Variants in UBR1 observed in about 807,000 individuals in gnomAD.
UBR1 encodes E3 ubiquitin-protein ligase UBR1.
UBR1 carries 102 observed loss-of-function variants against 242.1 expected under a neutral mutation model. The ratio of observed to expected loss-of-function variants is 0.42; its 90% confidence interval spans 0.36 to 0.50. The LOEUF (loss-of-function observed/expected upper bound fraction) is 0.50, where lower values mean the gene tolerates loss of function less well. Among genes scored for constraint, UBR1 ranks in the 20% least tolerant of loss-of-function variants. The pLI is 0.01. For synonymous variants in UBR1, 675 were observed against 684.8 expected, an observed-to-expected ratio of 0.99 and a Z score of 0.22; for missense variants, 1,772 against 2,101.8, an observed-to-expected ratio of 0.84 and a Z score of 3.07.
rs2033036436 is a variant in UBR1 at position 43,017,125 on chromosome 15, T to C, written c.2997A>G (p.Thr999=). Residue 999 remains threonine, a synonymous_variant, in exon 28 of 47, where the codon ACA becomes ACG. Coordinates refer to ENST00000290650, the MANE Select transcript of UBR1 (RefSeq NM_174916.3). The part of the protein sequence containing the change: ...REKSCLIVAT[T]SGSESIKNDE... Reference sequence around the variant, plus strand: ...CATTCTTAATAGATTCCGATCCTGATGTGGTTGCTACAATTAAACAAGATT... The same window carrying C: ...CATTCTTAATAGATTCCGATCCTGACGTGGTTGCTACAATTAAACAAGATT... The C allele has an allele frequency of 1.2e-6, 2 of 1,613,886 alleles. No homozygotes were observed. Among genetic ancestry groups the C allele is most frequent in the African/African-American group, 2.7e-5 (2 of 75,050 alleles).
At chr15:42,981,740 C>CCT (rs2032382441) in intron 37 of UBR1, among the ~76,000 whole-genome samples, 1 of 152,076 alleles carries the variant, frequency 6.6e-6, no homozygotes, top group Non-Finnish European at 1.5e-5. Flanking sequence ...TCCGCCGCAC[C>CCT]CAGCCACTTG....
chr15:43,067,807 C>T (rs1416787434), intron 6 of UBR1, 91 bp downstream of exon 6: 1 of 1,530,624 alleles, frequency 6.5e-7, no homozygotes, highest in South Asian at 1.1e-5. Flanking sequence ...ATGGTCAGAC[C>T]TAGCACAATA....
chr15:43,081,488 A>C (rs987408191), intron 3 of UBR1, among the ~76,000 whole-genome samples: 3 of 151,352 alleles, frequency 2.0e-5, no homozygotes, highest in African/African-American at 7.3e-5. Flanking sequence ...TGGTGCTGTC[A>C]GTGCTTTGGA....
Position 43,051,580 on chromosome 15 carries a change from T to G in UBR1, c.1440-3089A>C, listed in dbSNP as rs984779394. Among the ~76,000 whole-genome samples, 4 of 152,112 alleles carry G rather than the reference T, an allele frequency of 2.6e-5. 1 individual carries two copies. The highest frequency in any genetic ancestry group is 4.4e-5 in the Non-Finnish European group (3 of 68,006). ...TGTACCCCTGAACTCAAAATAAAAG[T>G]TAAATAAAAATTAAAAAAAGCAGCT... is the stretch of plus-strand genomic sequence containing the variant. On this transcript the variant is annotated intron_variant, in intron 12 of 46. Coordinates refer to ENST00000290650, the MANE Select transcript of UBR1 (RefSeq NM_174916.3).
Position 42,998,164 on chromosome 15 carries a change from A to T in UBR1, c.3757+4T>A. The T allele has an allele frequency of 6.2e-7, 1 of 1,610,296 alleles. No homozygotes were observed. Among genetic ancestry groups the T allele is most frequent in the South Asian group, 1.1e-5 (1 of 90,738 alleles). ...TAGCTAATATAAAATAAATTTAAGC[A>T]AACCTTTAGCATGTCTTATATTATA... On this transcript the variant is annotated splice_donor_region_variant and intron_variant, in intron 33 of 46. Transcript: ENST00000290650.
intron 29 of UBR1, among the ~76,000 whole-genome samples, chr15:43,015,164 G>A (rs62020706): frequency 0.54 from 81,806 of 152,158 alleles, 26,749 homozygotes; most frequent in Non-Finnish European, 0.7. Context: ...CATTGAGAAC[G>A]GGCCATGATG....
intron 6 of UBR1, among the ~76,000 whole-genome samples, chr15:43,064,160 C>T (rs2033724530): frequency 6.6e-6 from 1 of 152,110 alleles, no homozygotes; most frequent in South Asian, 2.1e-4. Flanking sequence ...ATTTAGAGTA[C>T]CACATTTTAA....
intron 6 of UBR1, among the ~76,000 whole-genome samples, chr15:43,064,117 C>A (rs2033723350): frequency 1.3e-5 from 2 of 152,172 alleles, no homozygotes; most frequent in African/African-American, 4.8e-5. Flanking sequence ...TTGGTATTTC[C>A]TCAAAGTGCT....
chr15:43,078,413 A>C (rs1367202535), intron 3 of UBR1, among the ~76,000 whole-genome samples: 1 of 152,192 alleles, frequency 6.6e-6, no homozygotes. Context: ...CAAAAAAAGA[A>C]ATTACACAGA....
chr15:43,055,507 C>A (rs2033606694), intron 11 of UBR1, among the ~76,000 whole-genome samples: 1 of 152,106 alleles, frequency 6.6e-6, no homozygotes, highest in South Asian at 2.1e-4. Flanking sequence ...TAGCACACTA[C>A]GATCTATTCT....
chr15:42,992,222 G>A (rs1305782263), intron 33 of UBR1, among the ~76,000 whole-genome samples: 3 of 152,170 alleles, frequency 2.0e-5, no homozygotes, highest in African/African-American at 7.2e-5. Context: ...CTAACTAGCT[G>A]CTTTAAAACT....
chr15:43,067,860 C>T (rs372182466), intron 6 of UBR1, 38 bp downstream of exon 6: 5 of 1,613,446 alleles, frequency 3.1e-6, no homozygotes, highest in Non-Finnish European at 4.2e-6. Context: ...AGGAAGCTGA[C>T]AGAAAACAGA....
intron 17 of UBR1, among the ~76,000 whole-genome samples, chr15:43,036,986 C>T (rs191651130): frequency 6.6e-6 from 1 of 150,548 alleles, no homozygotes; most frequent in Non-Finnish European, 1.5e-5. Context: ...AGGTTTGTTA[C>T]AGAGGTAAAC....
chr15:42,957,615 G>A (rs2031944204), intron 44 of UBR1, among the ~76,000 whole-genome samples: 1 of 152,198 alleles, frequency 6.6e-6, no homozygotes, highest in Non-Finnish European at 1.5e-5. Context: ...GCTCATGCCT[G>A]TAATCCCAAC....
intron 3 of UBR1, among the ~76,000 whole-genome samples, chr15:43,078,705 T>G (rs1187682949): frequency 6.6e-6 from 1 of 152,146 alleles, no homozygotes; most frequent in Non-Finnish European, 1.5e-5. Context: ...CAGTGGCTCA[T>G]GCCTGCAATC....
At chr15:42,957,893 A>C in intron 44 of UBR1, 120 bp downstream of exon 44, 1 of 900,566 alleles carries the variant, frequency 1.1e-6, no homozygotes. Flanking sequence ...AAACAAAAAA[A>C]CCCAAACCAA....
At chr15:43,020,506 T>G (rs560658969) in intron 27 of UBR1, among the ~76,000 whole-genome samples, 8 of 152,330 alleles carry the variant, frequency 5.3e-5, no homozygotes, top group Non-Finnish European at 1.2e-4. Context: ...TGCAACAGTC[T>G]CCTAACAGTT....
In UBR1 at chr15:43,054,730, TG is replaced by T. The variant is rs773969521; in HGVS notation, c.1439+11del. 38 of 1,613,904 alleles carry T rather than the reference TG, an allele frequency of 2.4e-5. No individual in the cohort carries two copies. Among genetic ancestry groups the T allele is most frequent in the Non-Finnish European group, 3.1e-5 (36 of 1,179,940 alleles). On this transcript the variant is annotated intron_variant, in intron 12 of 46. Coordinates refer to ENST00000290650, the MANE Select transcript of UBR1 (RefSeq NM_174916.3). Reference sequence around the variant, plus strand: ...TAACAGGTGCCCTCACCTTTTGACTTGAACAACTTACTTTAGGTCACATATT... The same window carrying T: ...TAACAGGTGCCCTCACCTTTTGACTTAACAACTTACTTTAGGTCACATATT...
intron 46 of UBR1, among the ~76,000 whole-genome samples, chr15:42,947,007 C>T (rs1483939772): frequency 3.9e-5 from 6 of 151,968 alleles, no homozygotes; most frequent in South Asian, 2.1e-4. Flanking sequence ...AAAAATTAGC[C>T]GGGTGTGGTG....
Sources: allele counts gnomAD v4.1 joint callset (sites outside exome capture counted in the v4.1 genomes callset), GRCh38; gene constraint gnomAD v4.1.1; transcripts MANE v1.5; gene names NCBI Gene and HGNC (gene_info 2026-07-23, HGNC 2026-07-21).